ABTB3: variants seen among roughly 807,000 people sequenced by gnomAD.
The protein encoded by ABTB3 is ankyrin repeat- and BTB/POZ domain-containing protein 3.
the ABTB3 span, among the ~76,000 whole-genome samples, chr12:107,609,620 C>T: frequency 1.8e-3 from 281 of 152,338 alleles, 1 homozygote; most frequent in Non-Finnish European, 2.9e-3. Flanking sequence ...AGAGGCTCAC[C>T]AGACAAGGCC....
chr12:107,446,864 GA>G, the ABTB3 span, among the ~76,000 whole-genome samples: 2 of 152,210 alleles, frequency 1.3e-5, no homozygotes, highest in Non-Finnish European at 2.9e-5. Context: ...TTCTCATCTG[GA>G]AAGTGTGGAT....
chr12:107,433,714 A>C, the ABTB3 span, among the ~76,000 whole-genome samples: 3 of 152,228 alleles, frequency 2.0e-5, no homozygotes, highest in Non-Finnish European at 4.4e-5. Flanking sequence ...GGAGTGGGGA[A>C]GTGAGTCAAG....
chr12:107,533,276 A>G, the ABTB3 span, among the ~76,000 whole-genome samples: 7,130 of 152,290 alleles, frequency 0.047, 555 homozygotes, highest in African/African-American at 0.16. Flanking sequence ...TCACCTATCA[A>G]TAACAACCTT....
the ABTB3 span, among the ~76,000 whole-genome samples, chr12:107,408,939 A>C: frequency 6.6e-6 from 1 of 152,222 alleles, no homozygotes; most frequent in Non-Finnish European, 1.5e-5. Context: ...CCACCCCTCC[A>C]AAAAGTACAG....
the ABTB3 span, among the ~76,000 whole-genome samples, chr12:107,508,066 A>AGATG: frequency 0.039 from 5,689 of 146,910 alleles, 130 homozygotes; most frequent in African/African-American, 0.056. Context: ...AAGGGTAGAA[A>AGATG]GATGGATGGA....
At chr12:107,460,914 C>G in the ABTB3 span, among the ~76,000 whole-genome samples, 7 of 152,244 alleles carry the variant, frequency 4.6e-5, 1 homozygote, top group African/African-American at 1.7e-4. Context: ...AGGGGCTGTG[C>G]AGATGTAATT....
At chr12:107,413,026 G>A in the ABTB3 span, among the ~76,000 whole-genome samples, 8 of 152,270 alleles carry the variant, frequency 5.3e-5, no homozygotes, top group South Asian at 1.7e-3. Context: ...TGTAATCCCA[G>A]CACTTTGGGA....
the ABTB3 span, among the ~76,000 whole-genome samples, chr12:107,584,127 A>G: frequency 6.6e-6 from 1 of 152,396 alleles, no homozygotes; most frequent in African/African-American, 2.4e-5. Context: ...AGATACATCT[A>G]CACGTATATT....
the ABTB3 span, among the ~76,000 whole-genome samples, chr12:107,568,413 C>A: frequency 6.6e-6 from 1 of 152,128 alleles, no homozygotes; most frequent in African/African-American, 2.4e-5. Flanking sequence ...TCTACCATAG[C>A]CCCCTTCCCA....
chr12:107,449,289 G>A, the ABTB3 span, among the ~76,000 whole-genome samples: 98 of 152,262 alleles, frequency 6.4e-4, 1 homozygote, highest in African/African-American at 2.1e-3. Context: ...TCTTATGTTC[G>A]TGAACAGGCT....
At chr12:107,457,822 C>A in the ABTB3 span, among the ~76,000 whole-genome samples, 1 of 152,174 alleles carries the variant, frequency 6.6e-6, no homozygotes, top group Non-Finnish European at 1.5e-5. Context: ...CAAATGTTCA[C>A]GCTGCAGGAG....
chr12:107,338,284 A>G, the ABTB3 span, among the ~76,000 whole-genome samples: 1 of 152,180 alleles, frequency 6.6e-6, no homozygotes, highest in Non-Finnish European at 1.5e-5. Context: ...CGAACCCCAC[A>G]ACGCCTTATT....
the ABTB3 span, among the ~76,000 whole-genome samples, chr12:107,433,765 T>C: frequency 6.6e-6 from 1 of 152,212 alleles, no homozygotes; most frequent in Admixed American, 6.5e-5. Flanking sequence ...GCAAGCCAGC[T>C]GTCTTACTCT....
At chr12:107,592,689 G>A in the ABTB3 span, among the ~76,000 whole-genome samples, 1 of 152,186 alleles carries the variant, frequency 6.6e-6, no homozygotes, top group Non-Finnish European at 1.5e-5. Context: ...AACATCCTGT[G>A]TATTTTTAGG....
the ABTB3 span, among the ~76,000 whole-genome samples, chr12:107,624,156 G>A: frequency 3.3e-5 from 5 of 151,272 alleles, no homozygotes; most frequent in African/African-American, 4.8e-5. Flanking sequence ...GGGACACAAC[G>A]AGAGAGGTTT....
chr12:107,554,348 AT>A, the ABTB3 span, among the ~76,000 whole-genome samples: 22,184 of 148,888 alleles, frequency 0.15, 1,870 homozygotes, highest in East Asian at 0.25. Flanking sequence ...ATAGTTCTAG[AT>A]TTTTTTTTTT....
the ABTB3 span, among the ~76,000 whole-genome samples, chr12:107,351,076 AG>A: frequency 6.6e-6 from 1 of 152,200 alleles, no homozygotes; most frequent in Non-Finnish European, 1.5e-5. Flanking sequence ...GGAGGATGAA[AG>A]GGGTCCTACA....
the ABTB3 span, chr12:107,319,951 CCAT>C: frequency 6.3e-7 from 1 of 1,576,336 alleles, no homozygotes; most frequent in South Asian, 1.2e-5. Flanking sequence ...ATCACCACCA[CCAT>C]GCGCTCCACG....
chr12:107,640,022 A>G, the ABTB3 span, among the ~76,000 whole-genome samples: 3 of 152,166 alleles, frequency 2.0e-5, no homozygotes, highest in African/African-American at 7.2e-5. Context: ...AGTGGGGATG[A>G]GTGGCATTCT....
Sources: gnomAD v4.1 joint callset for allele counts (sites outside exome capture counted in the v4.1 genomes callset) on GRCh38, gnomAD v4.1.1 for gene constraint, MANE v1.5 for transcripts, NCBI Gene and HGNC (gene_info 2026-07-23, HGNC 2026-07-21) for gene names.